The following LCOR variants were observed in gnomAD, a reference collection of about 807,000 sequenced individuals.
LCOR encodes ligand dependent nuclear receptor corepressor.
A neutral mutation model predicts 64.4 loss-of-function variants in LCOR; 14 were observed. That is an observed-to-expected ratio of 0.22 (90% CI 0.14 to 0.34). The LOEUF is 0.34. LCOR is among the 10% of genes least tolerant of loss of function. The pLI, the probability that LCOR is intolerant of heterozygous loss-of-function variation, is 1.00. For missense variants in LCOR, 1,686 were observed against 1,765.3 expected, an observed-to-expected ratio of 0.96 and a Z score of 0.80; for synonymous variants, 643 against 642.5, an observed-to-expected ratio of 1.00 and a Z score of -0.01.
intron 7 of LCOR, among the ~76,000 whole-genome samples, chr10:96,972,387 A>G (rs1043306782): frequency 2.0e-5 from 3 of 152,040 alleles, no homozygotes; most frequent in Non-Finnish European, 4.4e-5. Context: ...GGGGAAAAAA[A>G]CCACAGAAGT....
chr10:96,863,623 G>A (rs1845925684), intron 2 of LCOR, among the ~76,000 whole-genome samples: 1 of 152,202 alleles, frequency 6.6e-6, no homozygotes, highest in South Asian at 2.1e-4. Flanking sequence ...GGGATAGCAT[G>A]ATCAGGTTTT....
intron 4 of LCOR, among the ~76,000 whole-genome samples, chr10:96,928,864 T>A (rs1847210994): frequency 6.6e-6 from 1 of 152,208 alleles, no homozygotes; most frequent in South Asian, 2.1e-4. Flanking sequence ...AAAACAACAT[T>A]AATCTCCTTG....
chr10:96,901,723 A>G (rs1375696691), intron 2 of LCOR, among the ~76,000 whole-genome samples: 1 of 152,114 alleles, frequency 6.6e-6, no homozygotes, highest in Admixed American at 6.5e-5. Flanking sequence ...TCACTATACA[A>G]TATTAGGCCA....
intron 2 of LCOR, among the ~76,000 whole-genome samples, chr10:96,840,473 A>G (rs1000907032): frequency 6.6e-6 from 1 of 152,238 alleles, no homozygotes; most frequent in Non-Finnish European, 1.5e-5. Context: ...GTATAAGAGC[A>G]GGATACGTCA....
At chr10:96,914,438 G>C (rs1181655443) in intron 4 of LCOR, among the ~76,000 whole-genome samples, 1 of 152,158 alleles carries the variant, frequency 6.6e-6, no homozygotes, top group Non-Finnish European at 1.5e-5. Flanking sequence ...CTCAGGTGAT[G>C]CGCCTGCCTC....
At chr10:96,975,837 A>C (rs1027328557) in intron 7 of LCOR, among the ~76,000 whole-genome samples, 2 of 151,990 alleles carry the variant, frequency 1.3e-5, no homozygotes, top group African/African-American at 4.8e-5. Context: ...CAACATGGCA[A>C]AACCCTGTCT....
chr10:96,977,317 A>G (rs903067346), intron 7 of LCOR, among the ~76,000 whole-genome samples: 14 of 152,318 alleles, frequency 9.2e-5, no homozygotes, highest in African/African-American at 3.4e-4. Flanking sequence ...CACTGTTTGG[A>G]AGCCAGTAAG....
intron 2 of LCOR, among the ~76,000 whole-genome samples, chr10:96,881,572 T>A (rs1589628474): frequency 6.6e-6 from 1 of 151,840 alleles, no homozygotes; most frequent in African/African-American, 2.4e-5. Context: ...TTCTCCTCCC[T>A]CAACCTCCCA....
intron 4 of LCOR, among the ~76,000 whole-genome samples, chr10:96,935,030 C>T (rs374708826): frequency 6.7e-6 from 1 of 149,274 alleles, no homozygotes; most frequent in Non-Finnish European, 1.5e-5. Context: ...GATTTTGCAT[C>T]TTTTTGTTAT....
chr10:96,971,517 G>A (rs1847999342), intron 7 of LCOR, among the ~76,000 whole-genome samples: 1 of 152,138 alleles, frequency 6.6e-6, no homozygotes, highest in Admixed American at 6.5e-5. Context: ...TTACAAAGCA[G>A]CATAAGTACT....
intron 4 of LCOR, among the ~76,000 whole-genome samples, chr10:96,916,387 A>G (rs1043674423): frequency 4.6e-5 from 7 of 151,874 alleles, no homozygotes; most frequent in Non-Finnish European, 7.4e-5. Flanking sequence ...TTACTTTTAT[A>G]TTGTATTCTT....
intron 2 of LCOR, among the ~76,000 whole-genome samples, chr10:96,873,802 C>T (rs970838427): frequency 6.6e-6 from 1 of 151,974 alleles, no homozygotes; most frequent in African/African-American, 2.4e-5. Context: ...TGGGGTTTCA[C>T]CATATTGGTA....
chr10:96,845,299 G>A (rs547799622), intron 2 of LCOR, among the ~76,000 whole-genome samples: 76 of 151,884 alleles, frequency 5.0e-4, no homozygotes, highest in African/African-American at 1.0e-3. Flanking sequence ...GGGGAACGTC[G>A]GTGTTTATGA....
At position 96,930,039 on chromosome 10, in the gene LCOR, T is replaced by C. The variant is rs75575104; in HGVS notation, c.-183-14074T>C. On this transcript the variant is annotated intron_variant, in intron 4 of 7. Coordinates refer to ENST00000421806, the MANE Select transcript of LCOR (RefSeq NM_001346516.2). ...AATCACTAATTAGGAATCACCACTG[T>C]GAATAGTAACCATTAAAAAGATTGA... 6.7e-4 allele frequency among the ~76,000 whole-genome samples: 102 copies of C among 152,264 alleles called. 1 individual carries two copies. In the East Asian group the frequency reaches 0.015, roughly 23 times the overall value.
In LCOR at chr10:96,930,066, A is replaced by C. The variant is rs140985064; in HGVS notation, c.-183-14047A>C. Among the ~76,000 whole-genome samples the C allele has an allele frequency of 5.3e-5, 8 of 152,326 alleles. No individual in the cohort carries two copies. In the East Asian group the frequency reaches 1.5e-3, roughly 29 times the overall value. On this transcript the variant is annotated intron_variant, in intron 4 of 7. Coordinates refer to ENST00000421806, the MANE Select transcript of LCOR (RefSeq NM_001346516.2). ...AATAGTAACCATTAAAAAGATTGAA[A>C]TATTGCAAATATTACAAAAATGTGA...
chr10:96,865,783 A>AGAATTGT (rs1224029911), intron 2 of LCOR, among the ~76,000 whole-genome samples: 1 of 150,724 alleles, frequency 6.6e-6, no homozygotes, highest in Non-Finnish European at 1.5e-5. Flanking sequence ...TTGAGGCAGG[A>AGAATTGT]GAATTGTTTG....
At chr10:96,975,330 G>C (rs533911084) in intron 7 of LCOR, among the ~76,000 whole-genome samples, 11 of 152,210 alleles carry the variant, frequency 7.2e-5, no homozygotes, top group Admixed American at 5.2e-4. Context: ...CCTGGACAAA[G>C]GTTAGTATTC....
intron 7 of LCOR, chr10:96,961,872 T>C (rs1370738329): frequency 2.0e-5 from 3 of 152,046 alleles, no homozygotes; most frequent in East Asian, 3.9e-4. Flanking sequence ...AAAGTCTTTT[T>C]TTTTTTTCAT....
Position 96,881,462 on chromosome 10 carries a change from G to GT in LCOR, c.-329-25792dup, listed in dbSNP as rs59154370. Among the ~76,000 whole-genome samples the GT allele has an allele frequency of 5.9e-3, 864 of 145,344 alleles. 7 individuals are homozygous for GT. In the Middle Eastern group the frequency reaches 0.083, roughly 14 times the overall value. ...AGAGATTTTTTTGTTGTTGTTTTTT[G>GT]TTTTTTTTTTTGAGATGGAGTTTTG... On this transcript the variant is annotated intron_variant, in intron 2 of 7. Transcript: ENST00000421806.
Sources: allele counts gnomAD v4.1 joint callset (sites outside exome capture counted in the v4.1 genomes callset), GRCh38; gene constraint gnomAD v4.1.1; transcripts MANE v1.5; gene names NCBI Gene and HGNC (gene_info 2026-07-23, HGNC 2026-07-21).